Variants in TRIM9 observed in about 807,000 individuals in gnomAD.
The protein encoded by TRIM9 is tripartite motif containing 9, also known as E3 ubiquitin-protein ligase TRIM9.
In TRIM9, 26 loss-of-function variants were observed where a neutral mutation model predicts 78.3. The observed-to-expected ratio is 0.33, with a 90% confidence interval of 0.24 to 0.46. The LOEUF is 0.46. Among genes scored for constraint, TRIM9 ranks in the 20% least tolerant of loss-of-function variants. The pLI, the probability that TRIM9 is intolerant of heterozygous loss-of-function variation, is 1.00. For synonymous variants in TRIM9, 398 were observed against 416.5 expected (o/e 0.96, Z 0.54); for missense variants, 787 against 1,036.4 (o/e 0.76, Z 3.30).
intron 3 of TRIM9, among the ~76,000 whole-genome samples, chr14:51,020,349 A>G (rs931196133): frequency 1.3e-5 from 2 of 152,202 alleles, no homozygotes; most frequent in Non-Finnish European, 2.9e-5. Flanking sequence ...TTTGGAAGCA[A>G]TGACAGATAT....
At chr14:51,019,162 A>G (rs2057508380) in intron 3 of TRIM9, among the ~76,000 whole-genome samples, 1 of 152,232 alleles carries the variant, frequency 6.6e-6, no homozygotes, top group Non-Finnish European at 1.5e-5. Flanking sequence ...CAGACCTGGG[A>G]AGGATGTTAA....
intron 1 of TRIM9, among the ~76,000 whole-genome samples, chr14:51,035,017 G>A (rs1461621458): frequency 1.3e-5 from 2 of 151,372 alleles, no homozygotes; most frequent in African/African-American, 4.8e-5. Context: ...TTAGTCATAT[G>A]GGAAAATATT....
intron 3 of TRIM9, among the ~76,000 whole-genome samples, chr14:51,020,924 C>T (rs2057699540): frequency 6.6e-6 from 1 of 152,136 alleles, no homozygotes; most frequent in Admixed American, 6.5e-5. Context: ...TAAAAAGTGC[C>T]AGGAAGTGTT....
intron 5 of TRIM9, among the ~76,000 whole-genome samples, chr14:51,007,041 G>T (rs1394546773): frequency 6.6e-6 from 1 of 152,166 alleles, no homozygotes; most frequent in Non-Finnish European, 1.5e-5. Context: ...CATGACTCAG[G>T]AGGGCAATGA....
intron 7 of TRIM9, chr14:50,996,967 T>A: frequency 1.0e-6 from 1 of 985,396 alleles, no homozygotes; most frequent in Non-Finnish European, 1.2e-6. Context: ...CATTTTAGGG[T>A]GACTGGCACA....
In TRIM9 at chr14:51,025,331, C is replaced by T. The variant is rs753087989; in HGVS notation, c.852G>A (p.Leu284=). The change falls in exon 2 of 13, where the codon CTG becomes CTA. Residue 284 remains leucine, a synonymous_variant. Transcript: ENST00000684578. ...CCTTGGCTTCTTTGGCCCTGTCTGA[C>T]AGTCCGTTCAGCGCCTGGGAGAGCT... ...KSQLSQALNG[L]SDRAKEAKEF... is the part of the protein sequence containing the mutation. The T allele has an allele frequency of 6.2e-7, 1 of 1,614,064 alleles. No homozygotes were observed. Among genetic ancestry groups the T allele is most frequent in the African/African-American group, 1.3e-5 (1 of 74,924 alleles).
chr14:51,019,597 G>T (rs1169532401), intron 3 of TRIM9, among the ~76,000 whole-genome samples: 1 of 152,088 alleles, frequency 6.6e-6, no homozygotes, highest in African/African-American at 2.4e-5. Context: ...ATGAATTATG[G>T]TATCATAGAA....
intron 1 of TRIM9, among the ~76,000 whole-genome samples, chr14:51,066,977 C>T (rs1288444081): frequency 6.6e-6 from 1 of 152,186 alleles, no homozygotes; most frequent in Non-Finnish European, 1.5e-5. Context: ...GAGGCGTCCT[C>T]AGGCCAAATT....
intron 11 of TRIM9, 137 bp from the exon 12 acceptor site, chr14:50,979,686 T>A: frequency 1.4e-6 from 1 of 735,290 alleles, no homozygotes; most frequent in Non-Finnish European, 2.3e-6. Flanking sequence ...TAATCATCCC[T>A]TGCACATAAA....
chr14:50,986,686 A>G (rs960047368), intron 7 of TRIM9, among the ~76,000 whole-genome samples: 2 of 152,230 alleles, frequency 1.3e-5, no homozygotes, highest in Non-Finnish European at 2.9e-5. Flanking sequence ...TCCAGACTCT[A>G]TCTTTGAATA....
At chr14:50,983,558 T>C (rs2139325149) in intron 8 of TRIM9, 137 bp from the exon 9 acceptor site, 1 of 504,748 alleles carries the variant, frequency 2.0e-6, no homozygotes. Context: ...CCTTTTTATA[T>C]TATTTAGTTT....
rs1424658841 is a variant in TRIM9, at chr14:51,066,428, TCCTTCACTAGGTTCTGGAACACCACATTC to T, written c.822+27661_822+27689del. The stretch of plus-strand genomic sequence containing the variant: ...GAGAACATTCTGCTCTTCTTCAAAC[TCCTTCACTAGGTTCTGGAACACCACATTC>T]CTGATTTTCCATCCTGTGTCACTGG... On this transcript the variant is annotated intron_variant, in intron 1 of 12. Transcript: ENST00000684578. 5.3e-5 allele frequency among the ~76,000 whole-genome samples: 8 copies of T among 152,304 alleles called. No homozygotes were observed. In the East Asian group the frequency reaches 1.5e-3, roughly 29 times the overall value.
At chr14:51,051,715 C>T (rs1344856454) in intron 1 of TRIM9, among the ~76,000 whole-genome samples, 1 of 152,106 alleles carries the variant, frequency 6.6e-6, no homozygotes, top group African/African-American at 2.4e-5. Context: ...ACCTGTAATC[C>T]CAGCACTTTG....
intron 1 of TRIM9, among the ~76,000 whole-genome samples, chr14:51,041,430 C>T (rs1038866771): frequency 1.3e-5 from 2 of 152,250 alleles, no homozygotes; most frequent in African/African-American, 2.4e-5. Context: ...CTCTGCTCCT[C>T]GCCCAAGTGT....
intron 3 of TRIM9, among the ~76,000 whole-genome samples, chr14:51,018,924 A>T (rs1462532239): frequency 6.6e-6 from 1 of 152,252 alleles, no homozygotes. Context: ...ATTCTAAAAT[A>T]TTAGAGAGAA....
intron 1 of TRIM9, among the ~76,000 whole-genome samples, chr14:51,060,177 G>C (rs1339395068): frequency 6.6e-6 from 1 of 152,120 alleles, no homozygotes; most frequent in East Asian, 1.9e-4. Flanking sequence ...TTCAGAAACA[G>C]CATTTTCGTC....
rs560302191 is a variant in TRIM9, at chr14:51,008,941, A to G, written c.1306+139T>C. 45 of 829,264 alleles carry G rather than the reference A, an allele frequency of 5.4e-5. No homozygotes were observed. The Middle Eastern group carries it at 2.6e-3, about 48-fold the overall frequency. 51.4% of individuals were successfully genotyped at this position (829,264 alleles called of 1,614,324 possible). A position where few individuals can be genotyped will look rare whatever the true frequency, so the allele number is the denominator to read the frequency against. ...TTGCTGAAAGGTAGGTCACACATTT[A>G]TAAGGATACATTTTCATTACATAAG... is the stretch of plus-strand genomic sequence containing the variant. On this transcript the variant is annotated intron_variant, in intron 5 of 12. Coordinates refer to ENST00000684578, the MANE Select transcript of TRIM9 (RefSeq NM_001387360.1).
chr14:50,979,276 C>T (rs769478790), intron 12 of TRIM9, 111 bp downstream of exon 12: 36 of 1,583,112 alleles, frequency 2.3e-5, no homozygotes, highest in Non-Finnish European at 2.7e-5. Flanking sequence ...ATATCTTGGT[C>T]TGGGCCTTAC....
intron 1 of TRIM9, among the ~76,000 whole-genome samples, chr14:51,085,865 C>G (rs964498271): frequency 1.3e-5 from 2 of 152,062 alleles, no homozygotes; most frequent in Non-Finnish European, 2.9e-5. Flanking sequence ...TAAAATCTTA[C>G]TGTCTATTTG....
Sources: allele counts gnomAD v4.1 joint callset (sites outside exome capture counted in the v4.1 genomes callset), GRCh38; gene constraint gnomAD v4.1.1; transcripts MANE v1.5; gene names NCBI Gene and HGNC (gene_info 2026-07-23, HGNC 2026-07-21).